Variants in DOCK4 observed in about 807,000 individuals in gnomAD.
The protein encoded by DOCK4 is dedicator of cytokinesis 4.
Under a neutral mutation model 268.1 loss-of-function variants are expected in DOCK4, and 97 were observed. That is an observed-to-expected ratio of 0.36 (90% CI 0.31 to 0.43). The LOEUF is 0.43. Among genes scored for constraint, DOCK4 ranks in the 20% least tolerant of loss-of-function variants. The probability of loss-of-function intolerance (pLI) is 1.00; values close to 1 mark genes in which losing one functional copy is unlikely to be tolerated. For synonymous variants in DOCK4, 954 were observed against 887.2 expected (o/e 1.08, Z -1.34); for missense variants, 2,145 against 2,455.7 (o/e 0.87, Z 2.67).
At chr7:111,963,234 C>A (rs1183199210) in intron 8 of DOCK4, among the ~76,000 whole-genome samples, 1 of 151,634 alleles carries the variant, frequency 6.6e-6, no homozygotes, top group East Asian at 2.0e-4. Flanking sequence ...CAGCTCCGGA[C>A]TACAGCTCCC....
intron 1 of DOCK4, among the ~76,000 whole-genome samples, chr7:112,015,792 T>G (rs1319005524): frequency 6.6e-6 from 1 of 152,226 alleles, no homozygotes; most frequent in Non-Finnish European, 1.5e-5. Flanking sequence ...CTCACAGTTC[T>G]GGAAGCTAGC....
intron 16 of DOCK4, 123 bp downstream of exon 16, chr7:111,895,489 G>T: frequency 1.2e-6 from 1 of 851,046 alleles, no homozygotes. Flanking sequence ...CATTCTCCCT[G>T]ACAGCAATCT....
intron 16 of DOCK4, among the ~76,000 whole-genome samples, chr7:111,883,357 T>C (rs987538994): frequency 4.6e-5 from 7 of 152,178 alleles, no homozygotes; most frequent in Admixed American, 4.6e-4. Flanking sequence ...GGGTTCCATA[T>C]GTCTAACCAC....
chr7:112,112,338 T>C (rs1320962442), intron 1 of DOCK4, among the ~76,000 whole-genome samples: 2 of 152,172 alleles, frequency 1.3e-5, no homozygotes, highest in African/African-American at 2.4e-5. Context: ...CCTGAGGCCT[T>C]CACCAGAAGA....
chr7:112,136,627 G>T (rs1212578581), intron 1 of DOCK4, among the ~76,000 whole-genome samples: 1 of 152,166 alleles, frequency 6.6e-6, no homozygotes, highest in Non-Finnish European at 1.5e-5. Context: ...GTCAAATGTT[G>T]TAACTACTAT....
intron 12 of DOCK4, among the ~76,000 whole-genome samples, chr7:111,919,969 C>T (rs147826348): frequency 3.3e-5 from 5 of 152,208 alleles, no homozygotes; most frequent in Admixed American, 6.5e-5. Context: ...GCTGGATAAA[C>T]GAGCCACCAG....
intron 1 of DOCK4, among the ~76,000 whole-genome samples, chr7:112,123,514 G>A (rs184337377): frequency 6.6e-6 from 1 of 152,290 alleles, no homozygotes; most frequent in Non-Finnish European, 1.5e-5. Flanking sequence ...TTAAGTGATT[G>A]CAGTTTACAC....
In DOCK4 at chr7:112,181,189, G is replaced by A. The variant is rs552291994; in HGVS notation, c.37+24913C>T. Among the ~76,000 whole-genome samples, 16 of 152,280 alleles carry A rather than the reference G, an allele frequency of 1.1e-4. No homozygotes were observed. In the South Asian group the frequency reaches 1.5e-3, roughly 14 times the overall value. On this transcript the variant is annotated intron_variant, in intron 1 of 52. Transcript: ENST00000428084. ...GGAATATAAAATGATACAGCCTTTTGAGAAGATAATTTGCTATGATCTAGA... is the reference window on the plus strand; with the variant it reads ...GGAATATAAAATGATACAGCCTTTTAAGAAGATAATTTGCTATGATCTAGA...
intron 27 of DOCK4, chr7:111,821,669 A>G (rs368870180): frequency 1.3e-5 from 2 of 152,360 alleles, no homozygotes; most frequent in South Asian, 2.1e-4. Context: ...TTATGTCAAT[A>G]ACCTCCCAAA....
chr7:111,827,584 A>G (rs183865855), intron 26 of DOCK4, among the ~76,000 whole-genome samples: 110 of 152,282 alleles, frequency 7.2e-4, no homozygotes, highest in Non-Finnish European at 1.3e-3. Flanking sequence ...GGGTGAGCTG[A>G]ATCAGAGAAG....
chr7:111,989,634 C>A (rs1487934203), intron 5 of DOCK4, among the ~76,000 whole-genome samples: 1 of 152,136 alleles, frequency 6.6e-6, no homozygotes, highest in Non-Finnish European at 1.5e-5. Flanking sequence ...TTATTGGATC[C>A]CCTATCAGAA....
At chr7:112,184,616 C>T (rs1819337918) in intron 1 of DOCK4, among the ~76,000 whole-genome samples, 1 of 152,070 alleles carries the variant, frequency 6.6e-6, no homozygotes, top group African/African-American at 2.4e-5. Flanking sequence ...CATAAAAACC[C>T]CGGCCCTTGG....
chr7:111,781,073 CCA>C (rs930910208), intron 35 of DOCK4, among the ~76,000 whole-genome samples: 28 of 152,028 alleles, frequency 1.8e-4, no homozygotes, highest in African/African-American at 6.5e-4. Context: ...ATTCTTTCAT[CCA>C]AGGAAGTGAT....
At chr7:111,776,716 C>T (rs1029700303) in intron 36 of DOCK4, among the ~76,000 whole-genome samples, 2 of 152,184 alleles carry the variant, frequency 1.3e-5, no homozygotes, top group Non-Finnish European at 2.9e-5. Context: ...TTAAACTAAA[C>T]AGGAAAACTA....
intron 36 of DOCK4, among the ~76,000 whole-genome samples, chr7:111,776,348 T>C (rs73434217): frequency 1.3e-5 from 2 of 152,042 alleles, no homozygotes; most frequent in African/African-American, 4.8e-5. Context: ...ATTGAAGCTG[T>C]AAAAAGAAAA....
At chr7:112,103,204 A>G (rs531027590) in intron 1 of DOCK4, among the ~76,000 whole-genome samples, 41 of 152,380 alleles carry the variant, frequency 2.7e-4, no homozygotes, top group African/African-American at 9.9e-4. Flanking sequence ...TTATAGGAAA[A>G]TAGCACATAA....
At chr7:111,736,095 G>A (rs1426870454) in intron 50 of DOCK4, among the ~76,000 whole-genome samples, 1 of 152,132 alleles carries the variant, frequency 6.6e-6, no homozygotes, top group Non-Finnish European at 1.5e-5. Context: ...AAATAATTTT[G>A]CCTAAGACTT....
rs569369881 is a variant in DOCK4, at chr7:111,988,112, C to T, written c.464+903G>A. ...ACATTCAGTAAGAGGCAAATTTACC[C>T]ATGGTTCACTTCCTGTCATTTTCTT... On this transcript the variant is annotated intron_variant, in intron 6 of 52. Coordinates refer to ENST00000428084, the MANE Select transcript of DOCK4 (RefSeq NM_001363540.2). Among the ~76,000 whole-genome samples the T allele has an allele frequency of 1.1e-3, 169 of 152,274 alleles. 4 individuals carry two copies. The South Asian group carries it at 0.033, about 30-fold the overall frequency.
intron 1 of DOCK4, among the ~76,000 whole-genome samples, chr7:112,180,537 T>C (rs1421829290): frequency 6.6e-6 from 1 of 152,174 alleles, no homozygotes; most frequent in Non-Finnish European, 1.5e-5. Flanking sequence ...TCAAAGGCAC[T>C]GGCTTCTCCT....
Sources: gnomAD v4.1 joint callset for allele counts (sites outside exome capture counted in the v4.1 genomes callset) on GRCh38, gnomAD v4.1.1 for gene constraint, MANE v1.5 for transcripts, NCBI Gene and HGNC (gene_info 2026-07-23, HGNC 2026-07-21) for gene names.